Variants in SYN3 observed in about 807,000 individuals in gnomAD.
SYN3 encodes synapsin-3.
SYN3 carries 35 observed loss-of-function variants against 65.8 expected under a neutral mutation model. The observed-to-expected ratio is 0.53, with a 90% CI of 0.41 to 0.70. The LOEUF (loss-of-function observed/expected upper bound fraction) is 0.70. Among genes scored for constraint, SYN3 ranks in the 30% least tolerant of loss-of-function variants. SYN3 has a pLI of 0.00. For missense variants in SYN3, 680 were observed against 749.0 expected (o/e 0.91, Z 1.08); for synonymous variants, 270 against 292.9 (o/e 0.92, Z 0.80).
At chr22:32,931,081 T>C (rs1343143709) in intron 4 of SYN3, 1 of 235,256 alleles carries the variant, frequency 4.3e-6, no homozygotes. Flanking sequence ...CATATCATCA[T>C]GCTGCAGATG....
rs550701476 is a variant in SYN3, at chr22:32,648,615, A to G, written c.712-51879T>C. ...TCTGCATTTGAGACTTGGCATTGTA[A>G]AGCCCTGTTTGGCACATATTAGCTA... On this transcript the variant is annotated intron_variant, in intron 6 of 13. Coordinates refer to ENST00000358763, the MANE Select transcript of SYN3 (RefSeq NM_003490.4). Among the ~76,000 whole-genome samples the G allele has an allele frequency of 3.3e-5, 5 of 152,330 alleles. No homozygotes were observed. The South Asian group carries it at 1.0e-3, about 32-fold the overall frequency.
intron 6 of SYN3, among the ~76,000 whole-genome samples, chr22:32,626,900 C>T (rs145404223): frequency 5.6e-4 from 86 of 152,294 alleles, no homozygotes; most frequent in African/African-American, 1.9e-3. Context: ...GAACTGACCT[C>T]GTAAAATGGA....
intron 6 of SYN3, among the ~76,000 whole-genome samples, chr22:32,709,594 A>G (rs950692071): frequency 2.6e-5 from 4 of 152,348 alleles, no homozygotes; most frequent in Admixed American, 2.0e-4. Context: ...ATGTGAAAGT[A>G]ATAATCTCAG....
In SYN3 at chr22:32,956,488, T is replaced by C. The variant is rs2051468221; in HGVS notation, c.369+24157A>G. 1.3e-5 allele frequency among the ~76,000 whole-genome samples: 2 copies of C among 152,204 alleles called. 1 individual carries two copies. The highest frequency in any genetic ancestry group is 4.1e-4 in the South Asian group (2 of 4,834). On this transcript the variant is annotated intron_variant, in intron 3 of 13. Coordinates refer to ENST00000358763, the MANE Select transcript of SYN3 (RefSeq NM_003490.4). ...TAATTTCTATCCTACTGTGTCTCAATAGATTTGACTACTCTAGGTACTTCA... is the reference window on the plus strand; with the variant it reads ...TAATTTCTATCCTACTGTGTCTCAACAGATTTGACTACTCTAGGTACTTCA...
chr22:32,717,648 G>A (rs1237431430), intron 6 of SYN3, among the ~76,000 whole-genome samples: 3 of 152,160 alleles, frequency 2.0e-5, no homozygotes, highest in Non-Finnish European at 4.4e-5. Context: ...GGCAAGACAA[G>A]CTCTTGGCAG....
intron 3 of SYN3, among the ~76,000 whole-genome samples, chr22:32,945,868 A>G (rs914051858): frequency 6.6e-6 from 1 of 152,242 alleles, no homozygotes; most frequent in Non-Finnish European, 1.5e-5. Flanking sequence ...AAGGCGATCA[A>G]AAAGTGGGCG....
At chr22:32,770,060 T>G (rs996637307) in intron 6 of SYN3, among the ~76,000 whole-genome samples, 1 of 152,324 alleles carries the variant, frequency 6.6e-6, no homozygotes, top group Non-Finnish European at 1.5e-5. Flanking sequence ...ATCTGCAGCT[T>G]TCCCCATCTC....
chr22:33,003,657 A>G (rs1047686710), intron 2 of SYN3, among the ~76,000 whole-genome samples: 9 of 152,250 alleles, frequency 5.9e-5, no homozygotes, highest in African/African-American at 1.4e-4. Context: ...AGCAGAGCAT[A>G]AAAGTTTGAA....
In SYN3 at chr22:32,718,949, A is replaced by C. The variant is rs564522026; in HGVS notation, c.712-122213T>G. On this transcript the variant is annotated intron_variant, in intron 6 of 13. Transcript: ENST00000358763. ...AAGAATGACTACTCTCTGTTCCCAA[A>C]CATGCTATGCATATTCTTGCTTTTA... Among the ~76,000 whole-genome samples the C allele has an allele frequency of 3.9e-5, 6 of 152,290 alleles. No homozygotes were observed. The South Asian group carries it at 1.2e-3, about 32-fold the overall frequency.
At chr22:32,923,286 CTCTG>C (rs1370979957) in intron 4 of SYN3, among the ~76,000 whole-genome samples, 1 of 152,188 alleles carries the variant, frequency 6.6e-6, no homozygotes, top group Admixed American at 6.5e-5. Flanking sequence ...TTAGCTCTTC[CTCTG>C]TCTTTTTGTT....
intron 7 of SYN3, among the ~76,000 whole-genome samples, chr22:32,590,043 AAAC>A (rs1437602631): frequency 6.6e-6 from 1 of 152,212 alleles, no homozygotes; most frequent in Non-Finnish European, 1.5e-5. Flanking sequence ...CAAAAACAAA[AAAC>A]AACAACTCAA....
In SYN3 at chr22:32,935,991, G is replaced by A. The variant is rs548430042; in HGVS notation, c.370-4510C>T. Among the ~76,000 whole-genome samples, 50 of 152,338 alleles carry A rather than the reference G, an allele frequency of 3.3e-4. 1 individual carries two copies. The Middle Eastern group carries it at 0.01, about 31-fold the overall frequency. On this transcript the variant is annotated intron_variant, in intron 3 of 13. Transcript: ENST00000358763. Reference sequence around the variant, plus strand: ...TATATGAAACATCCAGCACAGGGCTGAGACTCAGTAAATAGTTGCCATTAT... The same window carrying A: ...TATATGAAACATCCAGCACAGGGCTAAGACTCAGTAAATAGTTGCCATTAT...
At chr22:32,846,678 C>T (rs1167954307) in intron 6 of SYN3, among the ~76,000 whole-genome samples, 2 of 152,154 alleles carry the variant, frequency 1.3e-5, no homozygotes, top group Non-Finnish European at 2.9e-5. Context: ...CTCTCAGGCT[C>T]CAGAGACCAG....
intron 6 of SYN3, among the ~76,000 whole-genome samples, chr22:32,850,191 T>C (rs1488884011): frequency 6.6e-6 from 1 of 151,574 alleles, no homozygotes; most frequent in Admixed American, 6.6e-5. Context: ...GAAGGAGGTA[T>C]GCCCTTAAGA....
At position 32,796,955 on chromosome 22, in the gene SYN3, C is replaced by G. The variant is rs139684288; in HGVS notation, c.711+67960G>C. ...CCCCCTTTGGTTGACATGTGGCCAG[C>G]TCAGGGGTGGAGGAGCTCCGGCAGC... On this transcript the variant is annotated intron_variant, in intron 6 of 13. Coordinates refer to ENST00000358763, the MANE Select transcript of SYN3 (RefSeq NM_003490.4). Among the ~76,000 whole-genome samples the G allele has an allele frequency of 1.3e-3, 192 of 152,308 alleles. 2 individuals are homozygous for G. The East Asian group carries it at 0.035, about 28-fold the overall frequency.
chr22:32,758,172 T>C (rs761352468), intron 6 of SYN3, among the ~76,000 whole-genome samples: 1 of 152,200 alleles, frequency 6.6e-6, no homozygotes, highest in Non-Finnish European at 1.5e-5. Context: ...AGGTTGGGGA[T>C]TGGTTTGTTT....
At chr22:32,806,609 C>A (rs1041522131) in intron 6 of SYN3, among the ~76,000 whole-genome samples, 1 of 152,186 alleles carries the variant, frequency 6.6e-6, no homozygotes, top group Non-Finnish European at 1.5e-5. Flanking sequence ...TGCCTAGGCA[C>A]ATATGGGCTA....
At chr22:32,840,215 A>T (rs2047854151) in intron 6 of SYN3, among the ~76,000 whole-genome samples, 1 of 152,190 alleles carries the variant, frequency 6.6e-6, no homozygotes, top group African/African-American at 2.4e-5. Flanking sequence ...TTTTAGCCAC[A>T]GGCATTCATT....
intron 4 of SYN3, among the ~76,000 whole-genome samples, chr22:32,909,876 G>T (rs1452158947): frequency 1.3e-5 from 2 of 152,154 alleles, no homozygotes; most frequent in Non-Finnish European, 2.9e-5. Context: ...GCCTGGGACT[G>T]GGGGCACCTG....
Sources: gnomAD v4.1 joint callset for allele counts (sites outside exome capture counted in the v4.1 genomes callset) on GRCh38, gnomAD v4.1.1 for gene constraint, MANE v1.5 for transcripts, NCBI Gene and HGNC (gene_info 2026-07-23, HGNC 2026-07-21) for gene names.